TMEM163: variants seen among roughly 807,000 people sequenced by gnomAD.
TMEM163 encodes transmembrane protein 163.
A neutral mutation model predicts 29.3 loss-of-function variants in TMEM163; 17 were observed. The ratio of observed to expected loss-of-function variants is 0.58; its 90% CI spans 0.40 to 0.87. TMEM163 has a LOEUF of 0.87. Among genes scored for constraint, TMEM163 ranks in the 40% least tolerant of loss-of-function variants. The pLI, the probability that TMEM163 is intolerant of heterozygous loss-of-function variation, is 0.00. For missense variants in TMEM163, 303 were observed against 381.5 expected, an observed-to-expected ratio of 0.79 and a Z score of 1.71; for synonymous variants, 157 against 160.6, an observed-to-expected ratio of 0.98 and a Z score of 0.17.
At chr2:134,505,100 A>G (rs371555013) in intron 4 of TMEM163, among the ~76,000 whole-genome samples, 5 of 152,100 alleles carry the variant, frequency 3.3e-5, no homozygotes, top group South Asian at 2.1e-4. Flanking sequence ...AAGTTTCGCA[A>G]TGTGGTCCTT....
At chr2:134,616,905 G>C (rs1051754993) in intron 2 of TMEM163, among the ~76,000 whole-genome samples, 1 of 152,152 alleles carries the variant, frequency 6.6e-6, no homozygotes, top group African/African-American at 2.4e-5. Flanking sequence ...AAGACTAAAA[G>C]AATTTGTAGT....
At chr2:134,611,757 A>T (rs925860921) in intron 2 of TMEM163, among the ~76,000 whole-genome samples, 1 of 152,098 alleles carries the variant, frequency 6.6e-6, no homozygotes, top group Non-Finnish European at 1.5e-5. Flanking sequence ...CATTTATACC[A>T]CGGCTGTCCA....
At chr2:134,468,090 G>A (rs1686709261) in intron 5 of TMEM163, 1 of 152,172 alleles carries the variant, frequency 6.6e-6, no homozygotes, top group African/African-American at 2.4e-5. Context: ...CTAAGTCCAG[G>A]AGACAGCACC....
In TMEM163 at chr2:134,456,714, C is replaced by CT; in HGVS notation, c.*1dup. ...ATGGTCTCATGCGGATGCTGGCCCC[C>CT]TTCACTCAAACATCTCGTAGTGACG... is the stretch of plus-strand genomic sequence containing the variant. On this transcript the variant is annotated 3_prime_UTR_variant, in exon 8 of 8. Transcript: ENST00000281924. 1 of 1,614,060 alleles carries CT rather than the reference C, an allele frequency of 6.2e-7. No individual in the cohort carries two copies. The highest frequency in any genetic ancestry group is 8.5e-7 in the Non-Finnish European group (1 of 1,179,988).
At chr2:134,705,434 G>A (rs529760107) in intron 2 of TMEM163, among the ~76,000 whole-genome samples, 3 of 152,208 alleles carry the variant, frequency 2.0e-5, no homozygotes, top group African/African-American at 7.2e-5. Flanking sequence ...GGCGATCTAT[G>A]AGCCAAGGAG....
Position 134,718,727 on chromosome 2 carries a change from C to A in TMEM163, c.202+7G>T. On this transcript the variant is annotated splice_region_variant and intron_variant, in intron 1 of 7. Coordinates refer to ENST00000281924, the MANE Select transcript of TMEM163 (RefSeq NM_030923.5). The stretch of plus-strand genomic sequence containing the variant: ...GTCGCCGGCCGGGTCGGGCAGCTCG[C>A]GCTCACCTCGGTCCTCCAGCCCGTC... 8.7e-7 allele frequency: 1 copy of A among 1,152,694 alleles called. No homozygotes were observed. 71.4% of individuals were successfully genotyped at this position (1,152,694 alleles called of 1,614,324 possible). A position where few individuals can be genotyped will look rare whatever the true frequency, so the allele number is the denominator to read the frequency against.
intron 2 of TMEM163, among the ~76,000 whole-genome samples, chr2:134,697,290 T>C (rs961860874): frequency 6.6e-6 from 1 of 152,152 alleles, no homozygotes; most frequent in Non-Finnish European, 1.5e-5. Context: ...GACGTCCTTA[T>C]CTTCATTTTA....
intron 2 of TMEM163, among the ~76,000 whole-genome samples, chr2:134,685,463 G>T (rs1684332652): frequency 6.6e-6 from 1 of 152,180 alleles, no homozygotes; most frequent in Non-Finnish European, 1.5e-5. Flanking sequence ...TTTGCTAAGT[G>T]AAGCAATTCA....
chr2:134,520,134 TATA>T, intron 4 of TMEM163, among the ~76,000 whole-genome samples: 1 of 152,282 alleles, frequency 6.6e-6, no homozygotes, highest in African/African-American at 2.4e-5. Flanking sequence ...GAGAGGCCCT[TATA>T]ATAAGACAAC....
intron 2 of TMEM163, among the ~76,000 whole-genome samples, chr2:134,561,299 G>C (rs1264482501): frequency 1.3e-5 from 2 of 152,222 alleles, no homozygotes; most frequent in East Asian, 1.9e-4. Context: ...CGCCTTCTGG[G>C]TTCACGCCAT....
In TMEM163 at chr2:134,622,814, G is replaced by A. The variant is rs57451443; in HGVS notation, c.323-70723C>T. ...TTTTGCTCTTGTTGCCCAGACTGGAGTGGAGTGACACGATCTCGGCTCACT... is the reference window on the plus strand; with the variant it reads ...TTTTGCTCTTGTTGCCCAGACTGGAATGGAGTGACACGATCTCGGCTCACT... On this transcript the variant is annotated intron_variant, in intron 2 of 7. Transcript: ENST00000281924. Among the ~76,000 whole-genome samples the A allele has an allele frequency of 7.6e-3, 1,149 of 152,160 alleles. 18 individuals carry two copies. The highest frequency in any genetic ancestry group is 0.027 in the African/African-American group (1,114 of 41,492).
At chr2:134,567,996 A>G (rs899851103) in intron 2 of TMEM163, among the ~76,000 whole-genome samples, 3 of 152,246 alleles carry the variant, frequency 2.0e-5, no homozygotes, top group Non-Finnish European at 4.4e-5. Context: ...GGTTGCCATC[A>G]TATCCCAAGC....
chr2:134,634,911 T>C (rs35599954), intron 2 of TMEM163, among the ~76,000 whole-genome samples: 101,126 of 152,250 alleles, frequency 0.66, 35,314 homozygotes, highest in African/African-American at 0.85. Context: ...TCTAGAATAG[T>C]TGCTAAGTTT....
chr2:134,717,108 A>G (rs989164838), intron 1 of TMEM163, among the ~76,000 whole-genome samples: 1 of 152,240 alleles, frequency 6.6e-6, no homozygotes, highest in Non-Finnish European at 1.5e-5. Context: ...AAATGATGCT[A>G]AATATGAACT....
chr2:134,705,344 C>G (rs561735343), intron 2 of TMEM163, among the ~76,000 whole-genome samples: 1 of 152,116 alleles, frequency 6.6e-6, no homozygotes, highest in Non-Finnish European at 1.5e-5. Context: ...AATCCATATG[C>G]CTGGTGTCCT....
chr2:134,717,877 A>C (rs1430062702), intron 1 of TMEM163, among the ~76,000 whole-genome samples: 23 of 152,196 alleles, frequency 1.5e-4, no homozygotes. Flanking sequence ...TGGAGAAGAG[A>C]GACGCGGGAA....
chr2:134,573,569 A>G (rs1157455743), intron 2 of TMEM163, among the ~76,000 whole-genome samples: 4 of 152,224 alleles, frequency 2.6e-5, no homozygotes, highest in African/African-American at 2.4e-5. Flanking sequence ...AAATACCAAT[A>G]GCACCCAGGC....
chr2:134,653,060 T>C lies in TMEM163; in HGVS notation c.322+60140A>G, dbSNP rs953007586. 1.9e-3 allele frequency among the ~76,000 whole-genome samples: 245 copies of C among 130,020 alleles called. 40 individuals carry two copies. Among genetic ancestry groups the C allele is most frequent in the African/African-American group, 8.3e-3 (235 of 28,334 alleles). 85.3% of individuals were successfully genotyped at this position (130,020 alleles called of 152,430 possible). A position where few individuals can be genotyped will look rare whatever the true frequency, so the allele number is the denominator to read the frequency against. ...TGGTATCAGAATGATGCTGGCCTCA[T>C]AAAATGAGTTAGGGAGGATTCCCTC... On this transcript the variant is annotated intron_variant, in intron 2 of 7. Transcript: ENST00000281924.
intron 6 of TMEM163, among the ~76,000 whole-genome samples, chr2:134,463,229 C>T (rs558727536): frequency 3.9e-5 from 6 of 152,332 alleles, no homozygotes; most frequent in East Asian, 3.9e-4. Context: ...CTCAGAACCA[C>T]GTAAAGGGAC....
Sources: gnomAD v4.1 joint callset for allele counts (sites outside exome capture counted in the v4.1 genomes callset) on GRCh38, gnomAD v4.1.1 for gene constraint, MANE v1.5 for transcripts, NCBI Gene and HGNC (gene_info 2026-07-23, HGNC 2026-07-21) for gene names.